Variants in PRAMEF15 observed in about 807,000 individuals in gnomAD.
PRAMEF15 encodes PRAME family member 15.
Under a neutral mutation model 35.3 loss-of-function variants are expected in PRAMEF15, and 21 were observed. The observed-to-expected ratio is 0.59, with a 90% CI of 0.42 to 0.86. The LOEUF (loss-of-function observed/expected upper bound fraction) is 0.86, where lower values mean the gene tolerates loss of function less well. Ranked by LOEUF, PRAMEF15 falls within the 40% of genes least tolerant of loss-of-function variation. The probability of loss-of-function intolerance (pLI) is 0.00; values close to 1 mark genes in which losing one functional copy is unlikely to be tolerated. For missense variants in PRAMEF15, 360 were observed against 574.1 expected (o/e 0.63, Z 3.81); for synonymous variants, 122 against 223.3 (o/e 0.55, Z 4.05).
intron 1 of PRAMEF15, among the ~76,000 whole-genome samples, chr1:13,316,166 G>T (rs1281141113): frequency 1.3e-5 from 2 of 151,560 alleles, no homozygotes; most frequent in Non-Finnish European, 2.9e-5. Context: ...ACCATGCCTG[G>T]CTAAGTTTTG....
intron 3 of PRAMEF15, among the ~76,000 whole-genome samples, chr1:13,320,709 C>G (rs1421966202): frequency 2.0e-5 from 3 of 152,100 alleles, no homozygotes; most frequent in Admixed American, 2.0e-4. Context: ...TAGGCGAGAG[C>G]TACCACGCCC....
Position 13,318,388 on chromosome 1 carries a change from G to T in PRAMEF15, c.-16-4G>T, listed in dbSNP as rs1353750831. ...GCCTCTTCTCTGGGTTTGTCCTCTG[G>T]AAGTTTTCCCTGCAGATTCATGAAG... On this transcript the variant is annotated splice_region_variant and splice_polypyrimidine_tract_variant and intron_variant, in intron 1 of 3. Transcript: ENST00000376152. 1.9e-6 allele frequency: 3 copies of T among 1,611,530 alleles called. No individual in the cohort carries two copies. Among genetic ancestry groups the T allele is most frequent in the Non-Finnish European group, 8.5e-7 (1 of 1,179,706 alleles).
intron 1 of PRAMEF15, among the ~76,000 whole-genome samples, chr1:13,315,873 A>G (rs1639996070): frequency 6.6e-6 from 1 of 151,836 alleles, no homozygotes; most frequent in South Asian, 2.1e-4. Flanking sequence ...CCATTTTAAA[A>G]TTCTTGAAGG....
chr1:13,318,218 G>C (rs1640031721), intron 1 of PRAMEF15, among the ~76,000 whole-genome samples, 174 bp from the exon 2 acceptor site: 1 of 152,142 alleles, frequency 6.6e-6, no homozygotes, highest in Admixed American at 6.6e-5. Flanking sequence ...CGCTCATGCT[G>C]ATGCAGCAGA....
intron 1 of PRAMEF15, among the ~76,000 whole-genome samples, chr1:13,317,856 GGA>G (rs1164214213): frequency 4.7e-5 from 7 of 148,946 alleles, no homozygotes; most frequent in Non-Finnish European, 8.9e-5. Context: ...AAGAAAGAAG[GGA>G]GAGAGAGGGG....
At chr1:13,321,653 C>A in intron 3 of PRAMEF15, 50 bp from the exon 4 acceptor site, 1 of 1,594,496 alleles carries the variant, frequency 6.3e-7, no homozygotes, top group East Asian at 2.3e-5. Context: ...CACCACCCTC[C>A]ACTCACCCCT....
rs1640088695 is a variant in PRAMEF15, at chr1:13,321,878, G to T, written c.1051G>T (p.Ala351Ser). Residue 351 changes from alanine (A) to serine (S), a missense_variant, in exon 4 of 4, where the codon GCA becomes TCA. Physicochemically the swap from Ala to Ser is moderately conservative, Grantham distance 99. Around this residue, in one of 8 missense-constraint regions of PRAMEF15, gnomAD observed 72 missense variants for 79.9 expected, o/e 0.90. Coordinates refer to ENST00000376152, the MANE Select transcript of PRAMEF15 (RefSeq NM_001098376.3). ...TCTCCAAATTCTCCTAGAAAAAGTT[G>T]CAGCCACCCTTGAGTACCTGGATTT... ...VPLQILLEKV[A>S]ATLEYLDLDD... 7 of 1,609,362 alleles carry T rather than the reference G, an allele frequency of 4.3e-6. No individual in the cohort carries two copies. In the South Asian group the frequency reaches 6.6e-5, roughly 15 times the overall value.
chr1:13,322,100 G>T lies in PRAMEF15; in HGVS notation c.1273G>T (p.Asp425Tyr). Residue 425 changes from aspartate (D) to tyrosine (Y), a missense_variant, in exon 4 of 4, where the codon GAT becomes TAT. Asp to Tyr is a radical substitution (Grantham distance 160). This residue lies in a region of PRAMEF15 where 147 missense variants were observed against 123.5 expected (regional missense o/e 1.19). Transcript: ENST00000376152. ...TGCCCCCCGAGAGAGTTATGGTGCTGATGGTACTCTCTGCTGGAGCAGATT... is the reference window on the plus strand; with the variant it reads ...TGCCCCCCGAGAGAGTTATGGTGCTTATGGTACTCTCTGCTGGAGCAGATT... ...YPAPRESYGA[D>Y]GTLCWSRFAQ... 6.2e-7 allele frequency: 1 copy of T among 1,609,888 alleles called. No homozygotes were observed. The highest frequency in any genetic ancestry group is 1.1e-5 in the South Asian group (1 of 90,750).
At chr1:13,315,986 CCCT>C (rs1347554238) in intron 1 of PRAMEF15, among the ~76,000 whole-genome samples, 2 of 151,160 alleles carry the variant, frequency 1.3e-5, no homozygotes, top group Middle Eastern at 3.4e-3. Flanking sequence ...ATGACAAAAA[CCCT>C]CCTCTGCACA....
intron 1 of PRAMEF15, among the ~76,000 whole-genome samples, chr1:13,316,504 G>A (rs1447644834): frequency 4.0e-5 from 6 of 151,796 alleles, no homozygotes; most frequent in Non-Finnish European, 8.8e-5. Flanking sequence ...CACCCAAATG[G>A]AGACATGGCT....
chr1:13,316,790 G>A lies in PRAMEF15; in HGVS notation c.-17+1132G>A, dbSNP rs1324713996. Among the ~76,000 whole-genome samples, 17 of 151,854 alleles carry A rather than the reference G, an allele frequency of 1.1e-4. No individual in the cohort carries two copies. The East Asian group carries it at 3.3e-3, about 29-fold the overall frequency. The stretch of plus-strand genomic sequence containing the variant: ...GAAATATTTTGATAAATTTGATGTG[G>A]CCAAGGATCCCTCAACAAGGATAAT... On this transcript the variant is annotated intron_variant, in intron 1 of 3. Transcript: ENST00000376152.
chr1:13,320,064 C>A lies in PRAMEF15; in HGVS notation c.875+111C>A, dbSNP rs1213629435. 22 of 1,590,230 alleles carry A rather than the reference C, an allele frequency of 1.4e-5. No individual in the cohort carries two copies. In the African/African-American group the frequency reaches 1.6e-4, roughly 12 times the overall value. On this transcript the variant is annotated intron_variant, in intron 3 of 3. Transcript: ENST00000376152. ...TATGAGGATGAAACAGTGAAGAGGA[C>A]ACTAGAATGTCCATGCATTGTCCTG...
intron 1 of PRAMEF15, 141 bp downstream of exon 1, chr1:13,315,799 A>C (rs1298557047): frequency 8.0e-5 from 12 of 150,176 alleles, no homozygotes; most frequent in African/African-American, 1.2e-4. Context: ...GGAAGCTTTG[A>C]ATTTTTTCCT....
intron 1 of PRAMEF15, among the ~76,000 whole-genome samples, chr1:13,318,085 T>A (rs1393295307): frequency 3.5e-4 from 53 of 149,404 alleles, no homozygotes; most frequent in South Asian, 8.6e-4. Context: ...GAGTAATTAG[T>A]AATTTCCCCC....
chr1:13,321,569 T>C, intron 3 of PRAMEF15, 134 bp from the exon 4 acceptor site: 1 of 1,427,194 alleles, frequency 7.0e-7, no homozygotes, highest in Non-Finnish European at 9.6e-7. Flanking sequence ...ATCCTAAGTG[T>C]TGACCATCAG....
intron 2 of PRAMEF15, 137 bp from the exon 3 acceptor site, chr1:13,319,235 C>T (rs1640048235): frequency 6.9e-7 from 1 of 1,447,078 alleles, no homozygotes; most frequent in Middle Eastern, 2.5e-4. Flanking sequence ...TGGGCAGGAT[C>T]CAAGGGGAAA....
At position 13,322,184 on chromosome 1, in the gene PRAMEF15, A is replaced by T; in HGVS notation, c.1357A>T (p.Ile453Phe). Residue 453 changes from isoleucine to phenylalanine, a missense_variant, in exon 4 of 4, where the codon ATC becomes TTC. Coordinates refer to ENST00000376152, the MANE Select transcript of PRAMEF15 (RefSeq NM_001098376.3). ...GAGGGACTTAAGGCACCCCAAGAGGATCTTGTTCTGTACTGACTACTGCCC... is the reference window on the plus strand; with the variant it reads ...GAGGGACTTAAGGCACCCCAAGAGGTTCTTGTTCTGTACTGACTACTGCCC... ...RVRDLRHPKR[I>F]LFCTDYCPDC... The T allele has an allele frequency of 6.2e-7, 1 of 1,608,304 alleles. No individual in the cohort carries two copies. The highest frequency in any genetic ancestry group is 1.1e-5 in the South Asian group (1 of 90,626).
At position 13,317,826 on chromosome 1, in the gene PRAMEF15, G is replaced by T. The variant is rs1553184843; in HGVS notation, c.-16-566G>T. On this transcript the variant is annotated intron_variant, in intron 1 of 3. Transcript: ENST00000376152. ...AAGAGAGAGAGAATGAGAGAAGGGAGGCAGGGAAAGAAGACAAGAAAGAAA... is the reference window on the plus strand; with the variant it reads ...AAGAGAGAGAGAATGAGAGAAGGGATGCAGGGAAAGAAGACAAGAAAGAAA... Among the ~76,000 whole-genome samples, 506 of 150,044 alleles carry T rather than the reference G, an allele frequency of 3.4e-3. 7 individuals are homozygous for T. Among genetic ancestry groups the T allele is most frequent in the African/African-American group, 9.1e-3 (370 of 40,512 alleles).
chr1:13,316,512 GCT>G (rs1640007098), intron 1 of PRAMEF15, among the ~76,000 whole-genome samples: 1 of 151,804 alleles, frequency 6.6e-6, no homozygotes, highest in African/African-American at 2.4e-5. Context: ...TGGAGACATG[GCT>G]GTGGGGGGTG....
Sources: gnomAD v4.1 joint callset for allele counts (sites outside exome capture counted in the v4.1 genomes callset) on GRCh38, gnomAD v4.1.1 for gene constraint, gnomAD v4.1.1 regional missense constraint, MANE v1.5 for transcripts, NCBI Gene and HGNC (gene_info 2026-07-23, HGNC 2026-07-21) for gene names.